Variants in LRP5 observed in about 807,000 individuals in gnomAD.
LRP5 encodes low-density lipoprotein receptor-related protein 5.
LRP5 carries 62 observed loss-of-function variants against 154.1 expected under a neutral mutation model. The ratio of observed to expected loss-of-function variants is 0.40; its 90% CI spans 0.33 to 0.50. The LOEUF (loss-of-function observed/expected upper bound fraction) is 0.50, where lower values mean the gene tolerates loss of function less well. LRP5 is among the 20% of genes least tolerant of loss of function. The pLI is 0.55. For missense variants in LRP5, 1,915 were observed against 2,336.7 expected (o/e 0.82, Z 3.72); for synonymous variants, 966 against 1,011.5 (o/e 0.96, Z 0.85).
intron 7 of LRP5, among the ~76,000 whole-genome samples, chr11:68,402,884 G>A (rs1474525336): frequency 6.6e-6 from 1 of 152,200 alleles, no homozygotes; most frequent in Non-Finnish European, 1.5e-5. Context: ...CAGGTAGGGG[G>A]TGCTATGGGA....
At chr11:68,424,989 G>T in intron 14 of LRP5, 113 bp from the exon 15 acceptor site, 1 of 840,718 alleles carries the variant, frequency 1.2e-6, no homozygotes, top group Non-Finnish European at 2.0e-6. Flanking sequence ...TGTCAGCCTC[G>T]GGCAGCCCTG....
chr11:68,356,562 T>C (rs538001630), intron 2 of LRP5, among the ~76,000 whole-genome samples: 5 of 152,344 alleles, frequency 3.3e-5, no homozygotes, highest in African/African-American at 1.2e-4. Context: ...CCTTCCCAAC[T>C]GTCAGCATCC....
At chr11:68,324,328 G>A (rs889691152) in intron 1 of LRP5, among the ~76,000 whole-genome samples, 18 of 152,360 alleles carry the variant, frequency 1.2e-4, no homozygotes, top group South Asian at 2.1e-4. Flanking sequence ...TGAGAGCTGC[G>A]TCCACAGGGG....
chr11:68,331,771 G>A (rs926028324), intron 1 of LRP5, among the ~76,000 whole-genome samples: 21 of 124,792 alleles, frequency 1.7e-4, no homozygotes, highest in African/African-American at 5.9e-4. Context: ...GTGTGTGTGT[G>A]TGTTTGAGTG....
chr11:68,331,191 G>A (rs942225962), intron 1 of LRP5, among the ~76,000 whole-genome samples: 7 of 152,162 alleles, frequency 4.6e-5, no homozygotes, highest in African/African-American at 1.7e-4. Flanking sequence ...GGCAGGTTAC[G>A]GGTGAGTCCG....
chr11:68,334,095 G>A (rs200810100), intron 1 of LRP5, among the ~76,000 whole-genome samples: 30 of 152,308 alleles, frequency 2.0e-4, no homozygotes, highest in East Asian at 9.6e-4. Flanking sequence ...TTAGCTGGGC[G>A]TGGTGGTGGG....
chr11:68,361,683 A>G (rs766974160), intron 3 of LRP5, among the ~76,000 whole-genome samples: 4 of 151,268 alleles, frequency 2.6e-5, no homozygotes, highest in Non-Finnish European at 4.4e-5. Context: ...TTAGCTGGCC[A>G]TGGTGGTACA....
intron 17 of LRP5, among the ~76,000 whole-genome samples, chr11:68,431,157 C>A (rs560454685): frequency 6.6e-6 from 1 of 151,502 alleles, no homozygotes; most frequent in African/African-American, 2.4e-5. Flanking sequence ...CTCTGCTCAG[C>A]GACCTTTCTC....
intron 1 of LRP5, among the ~76,000 whole-genome samples, chr11:68,333,109 GCATGAGGGTTTGAGTGGC>G (rs2098603816): frequency 6.6e-6 from 1 of 152,162 alleles, no homozygotes; most frequent in Admixed American, 6.5e-5. Context: ...CATCGTAGCT[GCATGAGGGTTTGAGTGGC>G]CACCGCCACC....
chr11:68,425,638 T>A (rs2098668340), intron 15 of LRP5, among the ~76,000 whole-genome samples: 1 of 152,156 alleles, frequency 6.6e-6, no homozygotes, highest in African/African-American at 2.4e-5. Flanking sequence ...AAATGAGAGT[T>A]GGTGCTTAGA....
chr11:68,337,319 G>T (rs1025235610), intron 1 of LRP5, among the ~76,000 whole-genome samples: 3 of 152,198 alleles, frequency 2.0e-5, no homozygotes, highest in African/African-American at 7.2e-5. Flanking sequence ...GGGTTGGGGT[G>T]TGAGGAGGTG....
Position 68,419,784 on chromosome 11 carries a change from C to T in LRP5, c.3027+3257C>T, listed in dbSNP as rs564569190. Among the ~76,000 whole-genome samples the T allele has an allele frequency of 6.1e-4, 92 of 151,984 alleles. 1 individual carries two copies. The highest frequency in any genetic ancestry group is 1.8e-3 in the African/African-American group (76 of 41,456). ...GTCTTGAACTCCTAACCTGGTGATC[C>T]GCCCGCCTCGGCCTCCCAAAATGCT... is the stretch of plus-strand genomic sequence containing the variant. On this transcript the variant is annotated intron_variant, in intron 13 of 22. Transcript: ENST00000294304.
At chr11:68,322,667 A>G (rs1244683739) in intron 1 of LRP5, among the ~76,000 whole-genome samples, 1 of 152,256 alleles carries the variant, frequency 6.6e-6, no homozygotes, top group African/African-American at 2.4e-5. Flanking sequence ...TGTCTGGTAG[A>G]TGATCAGTAA....
At chr11:68,344,932 G>A (rs888548840) in intron 1 of LRP5, among the ~76,000 whole-genome samples, 3 of 129,316 alleles carry the variant, frequency 2.3e-5, no homozygotes, top group African/African-American at 9.1e-5. Context: ...GCACGATCTC[G>A]GTTCACTGCA....
At chr11:68,347,760 G>C in intron 1 of LRP5, 87 bp from the exon 2 acceptor site, 1 of 1,479,840 alleles carries the variant, frequency 6.8e-7, no homozygotes, top group South Asian at 1.1e-5. Context: ...GCAGTACCAG[G>C]AGTGCTCTGG....
At chr11:68,401,646 C>A (rs1461876801) in intron 7 of LRP5, among the ~76,000 whole-genome samples, 1 of 152,128 alleles carries the variant, frequency 6.6e-6, no homozygotes, top group Non-Finnish European at 1.5e-5. Flanking sequence ...TGAGGCGGGG[C>A]CTGGCTTTGG....
chr11:68,425,603 G>A (rs2153174180), intron 15 of LRP5, among the ~76,000 whole-genome samples: 1 of 152,376 alleles, frequency 6.6e-6, no homozygotes, highest in South Asian at 2.1e-4. Flanking sequence ...GCTCTGGACT[G>A]TGTTAGGCTG....
intron 13 of LRP5, among the ~76,000 whole-genome samples, chr11:68,420,479 C>A (rs560688634): frequency 2.6e-5 from 4 of 152,060 alleles, no homozygotes; most frequent in African/African-American, 4.8e-5. Context: ...CCGAGGTGGG[C>A]AGATCACTTG....
At chr11:68,438,759 A>G (rs1319399155) in intron 20 of LRP5, 77 bp downstream of exon 20, 8 of 1,298,454 alleles carry the variant, frequency 6.2e-6, no homozygotes, top group Non-Finnish European at 8.7e-6. Flanking sequence ...TGGAGCAGGG[A>G]TGTGCTACCC....
Sources: allele counts gnomAD v4.1 joint callset (sites outside exome capture counted in the v4.1 genomes callset), GRCh38; gene constraint gnomAD v4.1.1; transcripts MANE v1.5; gene names NCBI Gene and HGNC (gene_info 2026-07-23, HGNC 2026-07-21).